FSIP1: variants seen among roughly 807,000 people sequenced by gnomAD.
FSIP1 encodes the protein fibrous sheath interacting protein 1, also known as fibrous sheath-interacting protein 1.
Under a neutral mutation model 60.9 loss-of-function variants are expected in FSIP1, and 65 were observed. The ratio of observed to expected loss-of-function variants is 1.07; its 90% CI spans 0.87 to 1.31. The LOEUF (loss-of-function observed/expected upper bound fraction) is 1.31, where lower values mean the gene tolerates loss of function less well. FSIP1 is among the 40% of genes most tolerant of loss of function. The pLI, the probability that FSIP1 is intolerant of heterozygous loss-of-function variation, is 0.00. For missense variants in FSIP1, 675 were observed against 665.5 expected (o/e 1.01, Z -0.16); for synonymous variants, 209 against 221.2 (o/e 0.94, Z 0.49).
chr15:39,716,809 T>C (rs950606020), intron 9 of FSIP1, among the ~76,000 whole-genome samples: 3 of 86,520 alleles, frequency 3.5e-5, no homozygotes, highest in Non-Finnish European at 2.3e-5. Flanking sequence ...AAACAGGCCA[T>C]GTCTTTTTTT....
chr15:39,604,482 TA>T (rs1433211121), intron 11 of FSIP1, among the ~76,000 whole-genome samples: 1 of 152,242 alleles, frequency 6.6e-6, no homozygotes, highest in Non-Finnish European at 1.5e-5. Flanking sequence ...AGCAAATATT[TA>T]TATGAAAAGT....
chr15:39,778,693 A>G (rs1898145318), intron 1 of FSIP1, among the ~76,000 whole-genome samples: 1 of 152,238 alleles, frequency 6.6e-6, no homozygotes, highest in East Asian at 1.9e-4. Context: ...TGCCTTAATT[A>G]TATTGAGTGT....
chr15:39,749,769 C>T (rs768007980), intron 5 of FSIP1, among the ~76,000 whole-genome samples: 2 of 151,908 alleles, frequency 1.3e-5, no homozygotes, highest in Non-Finnish European at 2.9e-5. Flanking sequence ...GATGCCCACT[C>T]TCATCACTTC....
At chr15:39,654,399 A>G (rs1892992424) in intron 10 of FSIP1, among the ~76,000 whole-genome samples, 1 of 152,198 alleles carries the variant, frequency 6.6e-6, no homozygotes, top group South Asian at 2.1e-4. Flanking sequence ...GGTGATAGAA[A>G]CTTTTCATCT....
rs1211959692 is a variant in FSIP1, at chr15:39,689,527, CTT to C, written c.1188+23915_1188+23916del. 2.6e-5 allele frequency among the ~76,000 whole-genome samples: 4 copies of C among 152,240 alleles called. No individual in the cohort carries two copies. The South Asian group carries it at 6.2e-4, about 24-fold the overall frequency. On this transcript the variant is annotated intron_variant, in intron 10 of 11. Coordinates refer to ENST00000350221, the MANE Select transcript of FSIP1 (RefSeq NM_152597.5). ...TCATCTCATTAGCAAACAAGACACTCTTTTCACTCCAGAGAGTCCAAGGGTCT... is the reference window on the plus strand; with the variant it reads ...TCATCTCATTAGCAAACAAGACACTCTTCACTCCAGAGAGTCCAAGGGTCT...
intron 10 of FSIP1, among the ~76,000 whole-genome samples, chr15:39,651,606 C>T (rs937761173): frequency 3.9e-5 from 6 of 152,308 alleles, no homozygotes; most frequent in Non-Finnish European, 7.4e-5. Context: ...ATTCAAAACA[C>T]TTAACACATC....
chr15:39,740,689 T>C (rs1476808045), intron 6 of FSIP1, among the ~76,000 whole-genome samples: 2 of 152,136 alleles, frequency 1.3e-5, no homozygotes, highest in African/African-American at 4.8e-5. Flanking sequence ...TACCTGAACA[T>C]AAAGGATTAA....
At chr15:39,627,249 T>C (rs529633935) in intron 10 of FSIP1, among the ~76,000 whole-genome samples, 7 of 152,340 alleles carry the variant, frequency 4.6e-5, no homozygotes, top group Admixed American at 1.3e-4. Context: ...GCTGAGCAGA[T>C]CTAACATGGC....
At chr15:39,671,135 T>C (rs1237263414) in intron 10 of FSIP1, among the ~76,000 whole-genome samples, 1 of 152,256 alleles carries the variant, frequency 6.6e-6, no homozygotes, top group Non-Finnish European at 1.5e-5. Context: ...AGATGAATGA[T>C]AATCGCTTTT....
chr15:39,725,001 G>C (rs1042170401), intron 9 of FSIP1, among the ~76,000 whole-genome samples: 1 of 152,162 alleles, frequency 6.6e-6, no homozygotes, highest in Non-Finnish European at 1.5e-5. Flanking sequence ...GGGAGGCAAA[G>C]GCAGGCGGAT....
chr15:39,603,422 T>C (rs1425893181), intron 11 of FSIP1, among the ~76,000 whole-genome samples: 2 of 152,228 alleles, frequency 1.3e-5, no homozygotes, highest in Admixed American at 6.5e-5. Flanking sequence ...GATTCTAACA[T>C]GCAGCCAGAG....
chr15:39,641,714 T>C (rs762394800), intron 10 of FSIP1, among the ~76,000 whole-genome samples: 6 of 152,186 alleles, frequency 3.9e-5, no homozygotes, highest in Non-Finnish European at 7.3e-5. Flanking sequence ...ACCATTTACA[T>C]GATTTAAGGC....
At chr15:39,675,415 C>T (rs1893897597) in intron 10 of FSIP1, among the ~76,000 whole-genome samples, 1 of 152,076 alleles carries the variant, frequency 6.6e-6, no homozygotes, top group African/African-American at 2.4e-5. Context: ...ATCACAGTAG[C>T]ATTCATAACG....
chr15:39,725,498 C>T (rs138118718), intron 9 of FSIP1, among the ~76,000 whole-genome samples: 114 of 152,298 alleles, frequency 7.5e-4, no homozygotes, highest in African/African-American at 2.5e-3. Context: ...GATCCCCAGC[C>T]TTCAAGTGAC....
At chr15:39,734,369 T>C (rs958844695) in intron 8 of FSIP1, among the ~76,000 whole-genome samples, 3 of 152,224 alleles carry the variant, frequency 2.0e-5, no homozygotes, top group African/African-American at 7.2e-5. Context: ...ACACAGTTAA[T>C]GATGTGGCTA....
chr15:39,753,522 A>C (rs1458733620), intron 5 of FSIP1, among the ~76,000 whole-genome samples: 1 of 152,160 alleles, frequency 6.6e-6, no homozygotes, highest in Non-Finnish European at 1.5e-5. Flanking sequence ...AATTAAAAGA[A>C]TAATCTTCCA....
chr15:39,597,890 T>C (rs1440898965), downstream of FSIP1: 1 of 152,174 alleles, frequency 6.6e-6, no homozygotes, highest in Non-Finnish European at 1.5e-5. Context: ...GGCAACACGA[T>C]TGCATGTTGT....
At chr15:39,645,684 C>T (rs1451021657) in intron 10 of FSIP1, among the ~76,000 whole-genome samples, 1 of 152,230 alleles carries the variant, frequency 6.6e-6, no homozygotes, top group Non-Finnish European at 1.5e-5. Context: ...CTGCTGCCCT[C>T]CCACGTGCAG....
intron 10 of FSIP1, among the ~76,000 whole-genome samples, chr15:39,665,511 T>C (rs1595589816): frequency 1.3e-5 from 2 of 152,202 alleles, no homozygotes; most frequent in East Asian, 3.8e-4. Context: ...CACTTAACAC[T>C]AATTTAATGG....
Sources: gnomAD v4.1 joint callset for allele counts (sites outside exome capture counted in the v4.1 genomes callset) on GRCh38, gnomAD v4.1.1 for gene constraint, MANE v1.5 for transcripts, NCBI Gene and HGNC (gene_info 2026-07-23, HGNC 2026-07-21) for gene names.